Variants in GUCY1A2 observed in about 807,000 individuals in gnomAD.
GUCY1A2 encodes guanylate cyclase soluble subunit alpha-2.
Under a neutral mutation model 63.5 loss-of-function variants are expected in GUCY1A2, and 27 were observed. The observed-to-expected ratio is 0.43, with a 90% CI of 0.31 to 0.59. The LOEUF is 0.59. Among genes scored for constraint, GUCY1A2 ranks in the 20% least tolerant of loss-of-function variants. GUCY1A2 has a pLI of 0.11. For missense variants in GUCY1A2, 768 were observed against 913.3 expected, an observed-to-expected ratio of 0.84 and a Z score of 2.05; for synonymous variants, 364 against 343.5, an observed-to-expected ratio of 1.06 and a Z score of -0.66.
At chr11:106,803,553 C>T (rs553647447) in intron 5 of GUCY1A2, among the ~76,000 whole-genome samples, 3 of 152,220 alleles carry the variant, frequency 2.0e-5, no homozygotes, top group Admixed American at 6.6e-5. Context: ...CACAGACACA[C>T]GCGCTTCCCA....
At chr11:106,901,941 A>G (rs910182215) in intron 4 of GUCY1A2, among the ~76,000 whole-genome samples, 1 of 152,136 alleles carries the variant, frequency 6.6e-6, no homozygotes, top group African/African-American at 2.4e-5. Context: ...GTGCCGCAAT[A>G]ACATGTATAT....
intron 4 of GUCY1A2, among the ~76,000 whole-genome samples, chr11:106,905,330 G>T (rs569860876): frequency 1.2e-3 from 176 of 152,170 alleles, no homozygotes; most frequent in Non-Finnish European, 1.9e-3. Context: ...ATCATAGATT[G>T]GGTGGCTTAA....
At chr11:106,860,986 G>A (rs904486834) in intron 4 of GUCY1A2, among the ~76,000 whole-genome samples, 1 of 151,992 alleles carries the variant, frequency 6.6e-6, no homozygotes, top group African/African-American at 2.4e-5. Flanking sequence ...AGAAGGAGGA[G>A]GAGGAGGAGG....
intron 6 of GUCY1A2, among the ~76,000 whole-genome samples, chr11:106,724,455 TCTCA>T (rs1346087046): frequency 2.0e-5 from 3 of 152,156 alleles, no homozygotes; most frequent in Non-Finnish European, 4.4e-5. Context: ...TCCGGCCCCA[TCTCA>T]CTCTCTCTGG....
intron 7 of GUCY1A2, among the ~76,000 whole-genome samples, chr11:106,705,885 G>C (rs1010571370): frequency 2.0e-5 from 3 of 151,756 alleles, no homozygotes; most frequent in African/African-American, 7.3e-5. Flanking sequence ...AACAAAACAC[G>C]GGCCTTTGAA....
At chr11:106,773,186 C>T (rs1178893952) in intron 6 of GUCY1A2, among the ~76,000 whole-genome samples, 4 of 149,738 alleles carry the variant, frequency 2.7e-5, no homozygotes, top group Non-Finnish European at 4.4e-5. Context: ...TTAATCATTC[C>T]TTTTATTTTT....
chr11:106,928,627 C>T (rs2119934924), intron 4 of GUCY1A2, among the ~76,000 whole-genome samples: 1 of 152,298 alleles, frequency 6.6e-6, no homozygotes, highest in African/African-American at 2.4e-5. Flanking sequence ...TGGGCAATTT[C>T]ACCATTATAT....
chr11:106,715,018 T>C (rs75677822), intron 6 of GUCY1A2, among the ~76,000 whole-genome samples: 4 of 152,210 alleles, frequency 2.6e-5, no homozygotes, highest in Non-Finnish European at 4.4e-5. Context: ...TAGGGATTTA[T>C]TGAAAAACAC....
intron 5 of GUCY1A2, among the ~76,000 whole-genome samples, chr11:106,809,717 T>C (rs571414730): frequency 2.0e-5 from 3 of 152,252 alleles, no homozygotes; most frequent in African/African-American, 7.2e-5. Flanking sequence ...ATTCAACAAG[T>C]TTAATTTTTT....
chr11:106,949,658 T>C (rs1169839442), intron 3 of GUCY1A2, among the ~76,000 whole-genome samples: 7 of 152,144 alleles, frequency 4.6e-5, no homozygotes, highest in Admixed American at 4.6e-4. Flanking sequence ...TGCTAATGTG[T>C]CCAATCCCTC....
Position 106,709,637 on chromosome 11 carries a change from C to T in GUCY1A2, c.1837-971G>A, listed in dbSNP as rs1358924380. The stretch of plus-strand genomic sequence containing the variant: ...TATATACGTGTATATATTATATACA[C>T]GTATAGAATATATAGTTATATACAC... On this transcript the variant is annotated intron_variant, in intron 6 of 7. Coordinates refer to ENST00000526355, the MANE Select transcript of GUCY1A2 (RefSeq NM_000855.3). 9.0e-4 allele frequency among the ~76,000 whole-genome samples: 72 copies of T among 79,832 alleles called. No homozygotes were observed. In the East Asian group the frequency reaches 0.018, roughly 20 times the overall value. The allele number at this position is 79,832 out of a possible 152,430, so 52.4% of individuals were successfully genotyped here.
chr11:106,757,531 T>C lies in GUCY1A2; in HGVS notation c.1836+18908A>G, dbSNP rs554349037. On this transcript the variant is annotated intron_variant, in intron 6 of 7. Transcript: ENST00000526355. ...GATATTGGTGACTATGGATGGGGTT[T>C]TGGTGTGGGTGTCCGTTTTGTTGAT... Among the ~76,000 whole-genome samples the C allele has an allele frequency of 8.1e-4, 124 of 152,310 alleles. 3 individuals carry two copies. In the South Asian group the frequency reaches 0.025, roughly 31 times the overall value.
intron 6 of GUCY1A2, among the ~76,000 whole-genome samples, chr11:106,754,564 A>T (rs1332181450): frequency 6.6e-6 from 1 of 152,210 alleles, no homozygotes; most frequent in African/African-American, 2.4e-5. Context: ...TTTTAGCATG[A>T]AGGGCTGTTG....
chr11:106,805,525 C>T (rs1858671855), intron 5 of GUCY1A2, among the ~76,000 whole-genome samples: 1 of 152,136 alleles, frequency 6.6e-6, no homozygotes, highest in Admixed American at 6.6e-5. Flanking sequence ...GGATTACAGG[C>T]GTGAGCCACC....
At chr11:106,762,067 G>A (rs1864075631) in intron 6 of GUCY1A2, among the ~76,000 whole-genome samples, 1 of 152,040 alleles carries the variant, frequency 6.6e-6, no homozygotes, top group South Asian at 2.1e-4. Flanking sequence ...TTACTAATTT[G>A]TATTTTGAGT....
At chr11:106,857,042 T>C (rs1859446169) in intron 4 of GUCY1A2, among the ~76,000 whole-genome samples, 1 of 152,236 alleles carries the variant, frequency 6.6e-6, no homozygotes, top group Non-Finnish European at 1.5e-5. Flanking sequence ...ACATATCTAC[T>C]TCTATGTCCA....
intron 3 of GUCY1A2, among the ~76,000 whole-genome samples, chr11:106,964,929 G>A (rs528365360): frequency 5.9e-5 from 9 of 152,226 alleles, no homozygotes; most frequent in Admixed American, 2.0e-4. Flanking sequence ...GCAGTGAGCC[G>A]AGATTGCACC....
intron 3 of GUCY1A2, among the ~76,000 whole-genome samples, chr11:106,967,929 A>G (rs1207445924): frequency 2.6e-5 from 4 of 152,222 alleles, no homozygotes; most frequent in African/African-American, 9.6e-5. Context: ...AAATAGAACT[A>G]AAGTCCTGAA....
At chr11:106,827,521 T>A in intron 4 of GUCY1A2, 1 of 1,470,746 alleles carries the variant, frequency 6.8e-7, no homozygotes, top group Admixed American at 1.7e-5. Context: ...TACATAAGGA[T>A]TTCCTTCACA....
Sources: gnomAD v4.1 joint callset for allele counts (sites outside exome capture counted in the v4.1 genomes callset) on GRCh38, gnomAD v4.1.1 for gene constraint, MANE v1.5 for transcripts, NCBI Gene and HGNC (gene_info 2026-07-23, HGNC 2026-07-21) for gene names.